Variants in ARHGAP15 observed in about 807,000 individuals in gnomAD.
ARHGAP15 encodes Rho GTPase activating protein 15.
Under a neutral mutation model 63.7 loss-of-function variants are expected in ARHGAP15, and 51 were observed. The observed-to-expected ratio is 0.80, with a 90% CI of 0.64 to 1.01. ARHGAP15 has a LOEUF of 1.01. Ranked by LOEUF, ARHGAP15 falls within the 50% of genes least tolerant of loss-of-function variation. The pLI is 0.00. For synonymous variants in ARHGAP15, 191 were observed against 193.8 expected, an observed-to-expected ratio of 0.99 and a Z score of 0.12; for missense variants, 560 against 564.6, an observed-to-expected ratio of 0.99 and a Z score of 0.08.
intron 9 of ARHGAP15, among the ~76,000 whole-genome samples, chr2:143,504,977 G>A (rs550036789): frequency 6.6e-6 from 1 of 152,298 alleles, no homozygotes; most frequent in East Asian, 1.9e-4. Context: ...TGGTGCACCT[G>A]ATTTTTTAGG....
intron 9 of ARHGAP15, among the ~76,000 whole-genome samples, chr2:143,496,882 A>G (rs1370330354): frequency 6.6e-6 from 1 of 152,126 alleles, no homozygotes; most frequent in Non-Finnish European, 1.5e-5. Flanking sequence ...CCCATACTAA[A>G]TTTTGCCCTG....
chr2:143,349,828 C>A (rs1173925923), intron 6 of ARHGAP15, among the ~76,000 whole-genome samples: 3 of 152,084 alleles, frequency 2.0e-5, no homozygotes, highest in African/African-American at 7.2e-5. Context: ...CCTTTCTAGG[C>A]CTCAATTTCT....
intron 6 of ARHGAP15, among the ~76,000 whole-genome samples, chr2:143,385,749 G>T (rs73964504): frequency 0.011 from 1,679 of 152,108 alleles, 31 homozygotes; most frequent in African/African-American, 0.038. Flanking sequence ...CCGTTTGTTT[G>T]TATTAGATGA....
chr2:143,504,346 A>T, intron 9 of ARHGAP15, among the ~76,000 whole-genome samples: 1 of 152,188 alleles, frequency 6.6e-6, no homozygotes, highest in Middle Eastern at 3.2e-3. Flanking sequence ...AAGATGTATA[A>T]GTTGTGATTC....
chr2:143,684,279 T>C (rs1255150124), intron 12 of ARHGAP15, among the ~76,000 whole-genome samples: 1 of 152,158 alleles, frequency 6.6e-6, no homozygotes, highest in African/African-American at 2.4e-5. Context: ...TGCCACTGAA[T>C]AAAAATGTGG....
intron 12 of ARHGAP15, among the ~76,000 whole-genome samples, chr2:143,664,841 C>T (rs974405193): frequency 6.6e-6 from 1 of 152,216 alleles, no homozygotes; most frequent in African/African-American, 2.4e-5. Context: ...TTCCTCGACA[C>T]ATACACCATC....
chr2:143,346,271 CACACTCACAA>C lies in ARHGAP15; in HGVS notation c.475-89325_475-89316del, dbSNP rs1685297061. ...ACACTCACACACACACACACACACA[CACACTCACAA>C]ACACACCAGGGAGAGGATTACATTG... On this transcript the variant is annotated intron_variant, in intron 6 of 13. Coordinates refer to ENST00000295095, the MANE Select transcript of ARHGAP15 (RefSeq NM_018460.4). Among the ~76,000 whole-genome samples, 15 of 151,332 alleles carry C rather than the reference CACACTCACAA, an allele frequency of 9.9e-5. No individual in the cohort carries two copies. In the South Asian group the frequency reaches 2.8e-3, roughly 28 times the overall value.
intron 12 of ARHGAP15, chr2:143,641,290 A>C (rs562291274): frequency 3.3e-5 from 5 of 152,288 alleles, no homozygotes; most frequent in Admixed American, 6.5e-5. Context: ...CAACAAAAAA[A>C]AAACAAACTG....
At chr2:143,329,590 C>T (rs1215480663) in intron 6 of ARHGAP15, among the ~76,000 whole-genome samples, 1 of 152,124 alleles carries the variant, frequency 6.6e-6, no homozygotes, top group Non-Finnish European at 1.5e-5. Context: ...CATCTGTGCA[C>T]AGACTTCTAA....
At chr2:143,379,487 A>ATATGTGTGTGTGTGTGTG (rs1202571594) in intron 6 of ARHGAP15, among the ~76,000 whole-genome samples, 2 of 129,764 alleles carry the variant, frequency 1.5e-5, no homozygotes, top group Non-Finnish European at 3.3e-5. Context: ...AGGCATATAT[A>ATATGTGTGTGTGTGTGTG]TGTGTGTGTG....
chr2:143,167,649 C>CT (rs987343098), intron 2 of ARHGAP15, among the ~76,000 whole-genome samples: 16 of 152,034 alleles, frequency 1.1e-4, no homozygotes, highest in Admixed American at 6.6e-4. Flanking sequence ...ACCCTGGTTG[C>CT]TTTTTTTCAC....
chr2:143,587,835 G>T, intron 11 of ARHGAP15: 1 of 453,030 alleles, frequency 2.2e-6, no homozygotes. Context: ...TATTTATTAA[G>T]TTTTTTGAGA....
intron 12 of ARHGAP15, among the ~76,000 whole-genome samples, chr2:143,635,531 A>G (rs935645297): frequency 6.6e-6 from 1 of 152,044 alleles, no homozygotes; most frequent in African/African-American, 2.4e-5. Flanking sequence ...AGCACCTTGA[A>G]TTGTGGCTTT....
intron 12 of ARHGAP15, among the ~76,000 whole-genome samples, chr2:143,629,876 A>G (rs1490179192): frequency 6.6e-6 from 1 of 152,192 alleles, no homozygotes; most frequent in African/African-American, 2.4e-5. Flanking sequence ...GCACTTAGTA[A>G]GCTATTTAAA....
chr2:143,360,285 T>C (rs1685987210), intron 6 of ARHGAP15, among the ~76,000 whole-genome samples: 2 of 151,664 alleles, frequency 1.3e-5, no homozygotes, highest in Admixed American at 1.3e-4. Context: ...CTTAGGAGGC[T>C]GAGGAGGGAG....
At chr2:143,631,679 G>GTT (rs1446454324) in intron 12 of ARHGAP15, among the ~76,000 whole-genome samples, 1 of 152,020 alleles carries the variant, frequency 6.6e-6, no homozygotes, top group African/African-American at 2.4e-5. Flanking sequence ...AGTTTCAAGA[G>GTT]TTCCCTATAT....
At chr2:143,167,509 T>G (rs1004572243) in intron 2 of ARHGAP15, among the ~76,000 whole-genome samples, 2 of 152,012 alleles carry the variant, frequency 1.3e-5, no homozygotes, top group African/African-American at 4.8e-5. Flanking sequence ...AGACCATGGT[T>G]TCTCACTTTT....
At chr2:143,525,967 T>A (rs1317943161) in intron 10 of ARHGAP15, among the ~76,000 whole-genome samples, 1 of 152,110 alleles carries the variant, frequency 6.6e-6, no homozygotes, top group African/African-American at 2.4e-5. Flanking sequence ...GACAAACTAG[T>A]GAAAACATTG....
intron 11 of ARHGAP15, among the ~76,000 whole-genome samples, chr2:143,623,462 A>G (rs900288316): frequency 1.3e-5 from 2 of 152,172 alleles, no homozygotes; most frequent in Non-Finnish European, 2.9e-5. Context: ...ACAGCTTTGC[A>G]TAGCCTACGT....
Sources: gnomAD v4.1 joint callset for allele counts (sites outside exome capture counted in the v4.1 genomes callset) on GRCh38, gnomAD v4.1.1 for gene constraint, MANE v1.5 for transcripts, NCBI Gene and HGNC (gene_info 2026-07-23, HGNC 2026-07-21) for gene names.